The following PCDH15 variants were observed in gnomAD, a reference collection of about 807,000 sequenced individuals.
PCDH15 encodes protocadherin-15.
Under a neutral mutation model 178.5 loss-of-function variants are expected in PCDH15, and 129 were observed. That is an observed-to-expected ratio of 0.72 (90% CI 0.63 to 0.84). PCDH15 has a LOEUF of 0.84. Among genes scored for constraint, PCDH15 ranks in the 40% least tolerant of loss-of-function variants. The probability of loss-of-function intolerance (pLI) is 0.00; values close to 1 mark genes in which losing one functional copy is unlikely to be tolerated. For synonymous variants in PCDH15, 800 were observed against 732.0 expected (o/e 1.09, Z -1.50); for missense variants, 2,230 against 2,099.9 (o/e 1.06, Z -1.21).
At chr10:54,487,972 C>CT (rs1470008060) in intron 3 of PCDH15, among the ~76,000 whole-genome samples, 1 of 151,816 alleles carries the variant, frequency 6.6e-6, no homozygotes, top group African/African-American at 2.4e-5. Flanking sequence ...CAAAGTGAAG[C>CT]TTTTGACAAA....
chr10:53,851,671 AAT>A (rs71004485), intron 28 of PCDH15, among the ~76,000 whole-genome samples: 1,411 of 103,376 alleles, frequency 0.014, 9 homozygotes, highest in Non-Finnish European at 0.02. Context: ...TCCTCCTAGA[AAT>A]ATATATATAT....
intron 18 of PCDH15, among the ~76,000 whole-genome samples, chr10:54,043,907 A>T (rs1455915759): frequency 6.6e-6 from 1 of 152,132 alleles, no homozygotes; most frequent in African/African-American, 2.4e-5. Flanking sequence ...CTTCATCTGA[A>T]TTAGATACCT....
At chr10:55,409,197 A>C (rs1048155769) in intron 2 of PCDH15, among the ~76,000 whole-genome samples, 1 of 151,960 alleles carries the variant, frequency 6.6e-6, no homozygotes, top group African/African-American at 2.4e-5. Flanking sequence ...TCACATCTCT[A>C]TGTGTATACA....
chr10:54,814,637 T>C (rs1312794051), intron 3 of PCDH15, among the ~76,000 whole-genome samples: 3 of 152,188 alleles, frequency 2.0e-5, no homozygotes, highest in African/African-American at 7.2e-5. Context: ...ATAAGGTCTT[T>C]CTGTTGTTCC....
intron 15 of PCDH15, 35 bp downstream of exon 15, chr10:54,132,840 T>TATACACAC: frequency 6.7e-7 from 1 of 1,495,996 alleles, no homozygotes; most frequent in Non-Finnish European, 9.1e-7. Flanking sequence ...TTAGAATTTA[T>TATACACAC]ACACACACAC....
chr10:55,457,208 T>C (rs1196988565), intron 2 of PCDH15, among the ~76,000 whole-genome samples: 1 of 152,066 alleles, frequency 6.6e-6, no homozygotes, highest in African/African-American at 2.4e-5. Context: ...GAGTCATTTA[T>C]TTAGGGCAAT....
intron 1 of PCDH15, among the ~76,000 whole-genome samples, chr10:54,669,096 C>G (rs1265303369): frequency 6.6e-6 from 1 of 152,198 alleles, no homozygotes; most frequent in Non-Finnish European, 1.5e-5. Flanking sequence ...CTGTATCTTA[C>G]CATACTAAAT....
At chr10:54,572,853 T>C (rs926530703) in intron 2 of PCDH15, among the ~76,000 whole-genome samples, 5 of 152,142 alleles carry the variant, frequency 3.3e-5, no homozygotes, top group East Asian at 1.9e-4. Context: ...TTCTCTATTG[T>C]AATTTATGTG....
chr10:54,397,701 CATA>C (rs1338660998), intron 3 of PCDH15, among the ~76,000 whole-genome samples: 10 of 151,982 alleles, frequency 6.6e-5, no homozygotes, highest in Admixed American at 4.6e-4. Flanking sequence ...TATAAATAAT[CATA>C]ATAACAACTT....
In PCDH15 at chr10:55,395,192, TGTGTGAGAGAGAGAGAGAGA is replaced by T. The variant is rs1160347100; in HGVS notation, c.-155-228561_-155-228542del. On this transcript the variant is annotated intron_variant, in intron 2 of 5. Transcript: ENST00000613346. The stretch of plus-strand genomic sequence containing the variant: ...GCGTGTGTGTGTGTGTGTGTGTGTG[TGTGTGAGAGAGAGAGAGAGA>T]GAGAGAGAGAGAGAGAGAGAAAGAG... Among the ~76,000 whole-genome samples, 64 of 89,142 alleles carry T rather than the reference TGTGTGAGAGAGAGAGAGAGA, an allele frequency of 7.2e-4. 1 individual carries two copies. Among genetic ancestry groups the T allele is most frequent in the African/African-American group, 3.1e-3 (61 of 19,888 alleles). The allele number at this position is 89,142 out of a possible 152,430, so 58.5% of individuals were successfully genotyped here.
At position 55,130,666 on chromosome 10, in the gene PCDH15, T is replaced by C. The variant is rs139095657; in HGVS notation, c.-80+35910A>G. Reference sequence around the variant, plus strand: ...CTTTAAACCTATGGCTTAACATGTATAAACACACATACACGTGTGTGTGTG... The same window carrying C: ...CTTTAAACCTATGGCTTAACATGTACAAACACACATACACGTGTGTGTGTG... On this transcript the variant is annotated intron_variant, in intron 2 of 5. Coordinates refer to the PCDH15 transcript ENST00000458638. 3.3e-3 allele frequency among the ~76,000 whole-genome samples: 468 copies of C among 141,008 alleles called. 4 individuals carry two copies. The highest frequency in any genetic ancestry group is 5.5e-3 in the Non-Finnish European group (358 of 65,540). 92.5% of individuals were successfully genotyped at this position (141,008 alleles called of 152,430 possible). A position where few individuals can be genotyped will look rare whatever the true frequency, so the allele number is the denominator to read the frequency against.
chr10:54,906,130 A>C (rs1954717706), intron 2 of PCDH15, among the ~76,000 whole-genome samples: 1 of 152,072 alleles, frequency 6.6e-6, no homozygotes, highest in East Asian at 1.9e-4. Flanking sequence ...AAGGGAGATA[A>C]ATCAAAAGGG....
At chr10:54,925,271 T>C (rs2131847520) in intron 2 of PCDH15, among the ~76,000 whole-genome samples, 1 of 152,330 alleles carries the variant, frequency 6.6e-6, no homozygotes, top group South Asian at 2.1e-4. Context: ...TGGCCACATT[T>C]CTGGGTTCTC....
At chr10:53,951,630 T>C (rs375698959) in intron 23 of PCDH15, among the ~76,000 whole-genome samples, 3 of 152,240 alleles carry the variant, frequency 2.0e-5, no homozygotes, top group African/African-American at 7.2e-5. Context: ...TTCTAAAATA[T>C]ACAAACGTTT....
intron 2 of PCDH15, among the ~76,000 whole-genome samples, chr10:55,619,450 A>G (rs1843544552): frequency 6.6e-6 from 1 of 152,040 alleles, no homozygotes; most frequent in Admixed American, 6.6e-5. Context: ...TTAGAAATCA[A>G]GAACACAGTA....
chr10:54,195,697 T>C lies in PCDH15; in HGVS notation c.1291A>G (p.Lys431Glu), dbSNP rs2133923654. The C allele has an allele frequency of 1.2e-6, 2 of 1,613,672 alleles. No homozygotes were observed. Among genetic ancestry groups the C allele is most frequent in the East Asian group, 2.2e-5 (1 of 44,846 alleles). ...TSPLRIVALDKDIEDTKDPEL... is the reference protein window; with the variant it reads ...TSPLRIVALDEDIEDTKDPEL... ...ATTTAACTTACATCTTCTATGTCCTTGTCCAGAGCTACTATTCTTAAAGGT... is the reference window on the plus strand; with the variant it reads ...ATTTAACTTACATCTTCTATGTCCTCGTCCAGAGCTACTATTCTTAAAGGT... The change falls in exon 11 of 38, where the codon AAG (lysine) becomes GAG (glutamate). Residue 431 changes from lysine to glutamate, a missense_variant. Coordinates refer to ENST00000644397, the MANE Select transcript of PCDH15 (RefSeq NM_001384140.1).
At position 55,522,890 on chromosome 10, in the gene PCDH15, T is replaced by C. The variant is rs377591724; in HGVS notation, c.-156+104735A>G. Among the ~76,000 whole-genome samples the C allele has an allele frequency of 5.9e-4, 90 of 151,882 alleles. No individual in the cohort carries two copies. The South Asian group carries it at 0.018, about 31-fold the overall frequency. ...TTTGTAGTTTCTTTGTTCTTTTCTT[T>C]CTCCCCTGTTGTCTTAATTGTGATT... On this transcript the variant is annotated intron_variant, in intron 2 of 5. Transcript: ENST00000613346.
intron 3 of PCDH15, among the ~76,000 whole-genome samples, chr10:54,382,787 C>T (rs1369960358): frequency 6.6e-6 from 1 of 152,108 alleles, no homozygotes; most frequent in African/African-American, 2.4e-5. Context: ...AGCAGAGTAC[C>T]TGGCTATGCT....
At chr10:55,588,695 A>G (rs1842775068) in intron 2 of PCDH15, among the ~76,000 whole-genome samples, 1 of 152,162 alleles carries the variant, frequency 6.6e-6, no homozygotes, top group African/African-American at 2.4e-5. Context: ...AAAAAATTGT[A>G]AAACTAAGAA....
Sources: gnomAD v4.1 joint callset for allele counts (sites outside exome capture counted in the v4.1 genomes callset) on GRCh38, gnomAD v4.1.1 for gene constraint, MANE v1.5 for transcripts, NCBI Gene and HGNC (gene_info 2026-07-23, HGNC 2026-07-21) for gene names.